RBFOX1: variants seen among roughly 807,000 people sequenced by gnomAD.
RBFOX1 encodes the protein RNA binding fox-1 homolog 1, also known as RNA binding protein fox-1 homolog 1.
Under a neutral mutation model 57.7 loss-of-function variants are expected in RBFOX1, and 8 were observed. The ratio of observed to expected loss-of-function variants is 0.14; its 90% CI spans 0.08 to 0.25. The LOEUF (loss-of-function observed/expected upper bound fraction) is 0.25, where lower values mean the gene tolerates loss of function less well. Ranked by LOEUF, RBFOX1 falls within the 10% of genes least tolerant of loss-of-function variation. The pLI is 1.00. For missense variants in RBFOX1, 611 were observed against 548.5 expected (o/e 1.11, Z -1.14); for synonymous variants, 326 against 222.4 (o/e 1.47, Z -4.15).
chr16:5,923,021 C>T (rs1307481513), intron 4 of RBFOX1, among the ~76,000 whole-genome samples: 2 of 152,158 alleles, frequency 1.3e-5, no homozygotes, highest in South Asian at 2.1e-4. Flanking sequence ...AACCCCCATG[C>T]CTCTTCCCAG....
chr16:6,065,825 G>A (rs4146812), intron 1 of RBFOX1, among the ~76,000 whole-genome samples: 11,331 of 152,128 alleles, frequency 0.074, 561 homozygotes, highest in East Asian at 0.27. Flanking sequence ...GGCTCACTTA[G>A]CTAAAATCAC....
intron 2 of RBFOX1, among the ~76,000 whole-genome samples, chr16:6,600,771 A>G (rs939069791): frequency 1.3e-5 from 2 of 152,214 alleles, no homozygotes; most frequent in African/African-American, 4.8e-5. Context: ...AAGCAAGATT[A>G]TATCCTTTTA....
chr16:7,287,735 A>G (rs1344409977), intron 4 of RBFOX1, among the ~76,000 whole-genome samples: 1 of 152,194 alleles, frequency 6.6e-6, no homozygotes, highest in Non-Finnish European at 1.5e-5. Flanking sequence ...ATCTATGTAG[A>G]TCTATATGTT....
intron 2 of RBFOX1, among the ~76,000 whole-genome samples, chr16:6,466,863 A>T (rs2095060679): frequency 6.6e-6 from 1 of 152,214 alleles, no homozygotes; most frequent in South Asian, 2.1e-4. Context: ...GAGGTGCAGA[A>T]ACCCTAAGAG....
chr16:6,528,406 A>T (rs1436905087), intron 2 of RBFOX1, among the ~76,000 whole-genome samples: 1 of 152,194 alleles, frequency 6.6e-6, no homozygotes, highest in Non-Finnish European at 1.5e-5. Context: ...CCATCAATGC[A>T]CAGTCATTGC....
chr16:5,708,272 A>G (rs1040420175), intron 3 of RBFOX1, among the ~76,000 whole-genome samples: 1 of 152,132 alleles, frequency 6.6e-6, no homozygotes, highest in Non-Finnish European at 1.5e-5. Context: ...GTAAATATGT[A>G]TCAAGCAGAT....
Position 6,412,237 on chromosome 16 carries a change from T to C in RBFOX1, c.-64+95180T>C, listed in dbSNP as rs538674069. ...ATTATACGAGTTAGAAACATGAATC[T>C]CACCAGAGAAAAGGTATGTCCCCAA... On this transcript the variant is annotated intron_variant, in intron 2 of 15. Transcript: ENST00000550418. Among the ~76,000 whole-genome samples, 5 of 152,036 alleles carry C rather than the reference T, an allele frequency of 3.3e-5. No homozygotes were observed. In the East Asian group the frequency reaches 9.7e-4, roughly 29 times the overall value.
intron 1 of RBFOX1, among the ~76,000 whole-genome samples, chr16:6,137,054 C>T (rs1443862413): frequency 1.3e-5 from 2 of 152,158 alleles, no homozygotes; most frequent in South Asian, 2.1e-4. Flanking sequence ...TGATCCGAGA[C>T]GTTTTCAAGA....
intron 1 of RBFOX1, among the ~76,000 whole-genome samples, chr16:6,099,911 C>A (rs1234918605): frequency 6.6e-6 from 1 of 152,106 alleles, no homozygotes; most frequent in Non-Finnish European, 1.5e-5. Flanking sequence ...TTTATCATAG[C>A]AAACAATAAA....
intron 4 of RBFOX1, among the ~76,000 whole-genome samples, chr16:7,079,534 C>G (rs138416612): frequency 0.011 from 1,599 of 152,278 alleles, 14 homozygotes; most frequent in Non-Finnish European, 0.016. Context: ...ATTGTAAATT[C>G]TTGGAGTATT....
chr16:5,415,371 C>A (rs571866311), intron 1 of RBFOX1, among the ~76,000 whole-genome samples: 2 of 152,258 alleles, frequency 1.3e-5, no homozygotes, highest in African/African-American at 4.8e-5. Flanking sequence ...GGAAAACCAC[C>A]CCGATGATGC....
intron 5 of RBFOX1, among the ~76,000 whole-genome samples, chr16:7,565,312 A>T (rs887650758): frequency 5.3e-5 from 8 of 152,140 alleles, no homozygotes; most frequent in African/African-American, 1.9e-4. Flanking sequence ...GTACACATTC[A>T]ATATAGTTAC....
intron 1 of RBFOX1, among the ~76,000 whole-genome samples, chr16:5,465,081 T>C (rs971313373): frequency 4.6e-5 from 7 of 152,142 alleles, no homozygotes; most frequent in African/African-American, 1.7e-4. Flanking sequence ...GTGTGTGTGT[T>C]TGCTCAGGCT....
At chr16:6,136,036 C>T (rs1198638505) in intron 1 of RBFOX1, among the ~76,000 whole-genome samples, 1 of 152,138 alleles carries the variant, frequency 6.6e-6, no homozygotes, top group African/African-American at 2.4e-5. Flanking sequence ...CTCAAGTGAT[C>T]TGCTTGCCTT....
intron 12 of RBFOX1, among the ~76,000 whole-genome samples, chr16:7,655,527 T>C (rs1340983191): frequency 6.6e-6 from 1 of 152,252 alleles, no homozygotes; most frequent in Non-Finnish European, 1.5e-5. Flanking sequence ...GTATAATTTT[T>C]ATCTCTGGTA....
At chr16:5,440,979 G>C (rs147228993) in intron 1 of RBFOX1, among the ~76,000 whole-genome samples, 2 of 152,054 alleles carry the variant, frequency 1.3e-5, no homozygotes, top group African/African-American at 4.8e-5. Flanking sequence ...AAACTCCTAC[G>C]TACCCTTATG....
chr16:6,457,848 A>G (rs576027796), intron 2 of RBFOX1, among the ~76,000 whole-genome samples: 56 of 152,288 alleles, frequency 3.7e-4, no homozygotes, highest in Non-Finnish European at 6.8e-4. Context: ...GCCTTGGAAT[A>G]AAAAGTGGCT....
chr16:7,166,040 A>G (rs1424764883), intron 4 of RBFOX1, among the ~76,000 whole-genome samples: 1 of 151,516 alleles, frequency 6.6e-6, no homozygotes, highest in East Asian at 2.0e-4. Flanking sequence ...TTGAGGTGGA[A>G]TCTCATTCTG....
intron 4 of RBFOX1, among the ~76,000 whole-genome samples, chr16:7,482,699 T>A (rs894323688): frequency 6.6e-6 from 1 of 151,904 alleles, no homozygotes; most frequent in African/African-American, 2.4e-5. Flanking sequence ...CTGCTTGCAC[T>A]TCGAATCCAC....
Sources: allele counts gnomAD v4.1 joint callset (sites outside exome capture counted in the v4.1 genomes callset), GRCh38; gene constraint gnomAD v4.1.1; transcripts MANE v1.5; gene names NCBI Gene and HGNC (gene_info 2026-07-23, HGNC 2026-07-21).